MRGPRX3: variants seen among roughly 807,000 people sequenced by gnomAD.
MRGPRX3 encodes mas-related G protein-coupled receptor member X3.
MRGPRX3 carries 14 observed loss-of-function variants against 16.5 expected under a neutral mutation model. The observed-to-expected ratio is 0.85, with a 90% CI of 0.56 to 1.33. The LOEUF is 1.33. Ranked by LOEUF, MRGPRX3 falls within the 40% of genes most tolerant of loss-of-function variation. The pLI is 0.00. For missense variants in MRGPRX3, 449 were observed against 413.0 expected (o/e 1.09, Z -0.76); for synonymous variants, 199 against 180.1 (o/e 1.10, Z -0.84).
At chr11:18,135,465 G>A (rs1372126279) in intron 1 of MRGPRX3, among the ~76,000 whole-genome samples, 1 of 152,146 alleles carries the variant, frequency 6.6e-6, no homozygotes, top group African/African-American at 2.4e-5. Flanking sequence ...CACTCCTGAT[G>A]CTCCTCTATA....
chr11:18,122,574 T>A (rs536244524), intron 1 of MRGPRX3, among the ~76,000 whole-genome samples: 2 of 152,370 alleles, frequency 1.3e-5, no homozygotes, highest in Admixed American at 1.3e-4. Flanking sequence ...ATTTTCTTCA[T>A]CCAGTCTATC....
chr11:18,121,876 G>A (rs1427398767), intron 1 of MRGPRX3, among the ~76,000 whole-genome samples: 1 of 151,958 alleles, frequency 6.6e-6, no homozygotes, highest in Admixed American at 6.6e-5. Flanking sequence ...AGGCCTCAGG[G>A]TCCTCTGCCT....
chr11:18,134,764 G>C (rs543048798), intron 1 of MRGPRX3, among the ~76,000 whole-genome samples: 4 of 152,296 alleles, frequency 2.6e-5, no homozygotes, highest in African/African-American at 9.6e-5. Flanking sequence ...AGGACGAGGG[G>C]AAGGAGAGGC....
chr11:18,137,554 A>G lies in MRGPRX3; in HGVS notation c.352A>G (p.Thr118Ala), dbSNP rs1273425840. 2 of 1,614,038 alleles carry G rather than the reference A, an allele frequency of 1.2e-6. No individual in the cohort carries two copies. Among genetic ancestry groups the G allele is most frequent in the East Asian group, 2.2e-5 (1 of 44,878 alleles). ...CCTAAGCATGCTGAGCGCCATCAGC[A>G]CCGAGCGCTGCCTGTCCATCCTGTG... ...IGLSMLSAIS[T>A]ERCLSILWPI... Residue 118 changes from threonine (T) to alanine (A), a missense_variant, in exon 2 of 2, where the codon ACC becomes GCC. Thr to Ala is a moderately conservative substitution (Grantham distance 58). Transcript: ENST00000621697.
upstream of MRGPRX3, among the ~76,000 whole-genome samples, chr11:18,129,133 A>G (rs1841514095): frequency 1.3e-5 from 2 of 152,212 alleles, no homozygotes; most frequent in Admixed American, 6.5e-5. Context: ...ATCTCAAGGA[A>G]CTAGAGAAGC....
rs766484180 is a variant in MRGPRX3, at chr11:18,137,666, TC to T, written c.466del (p.Leu156TrpfsTer56). 4 of 1,614,042 alleles carry T rather than the reference TC, an allele frequency of 2.5e-6. No individual in the cohort carries two copies. ...TGGGCCCTGTCCCTGCTGCGGAGTA[TC>T]CTGGAGTGGATGTTCTGTGACTTCC... ...LLWALSLLRS[I>X]LEWMFCDFLF... is the part of the protein sequence containing the mutation. On this transcript the variant is annotated frameshift_variant, in exon 2 of 2. Transcript: ENST00000621697. LOFTEE classifies it high-confidence loss of function.
upstream of MRGPRX3, among the ~76,000 whole-genome samples, chr11:18,129,986 A>T (rs961449999): frequency 5.3e-5 from 8 of 152,224 alleles, no homozygotes; most frequent in African/African-American, 1.9e-4. Flanking sequence ...ACATTTCTTT[A>T]TGATTAAAAC....
intron 1 of MRGPRX3, among the ~76,000 whole-genome samples, chr11:18,134,099 T>C (rs1287520055): frequency 6.6e-6 from 1 of 152,246 alleles, no homozygotes; most frequent in African/African-American, 2.4e-5. Context: ...ACTACTTTAA[T>C]GTTTGGCTTG....
intron 1 of MRGPRX3, among the ~76,000 whole-genome samples, chr11:18,133,825 G>T (rs1848983912): frequency 6.6e-6 from 1 of 152,200 alleles, no homozygotes; most frequent in South Asian, 2.1e-4. Flanking sequence ...GCCAGGAGAT[G>T]GAAATCCCAA....
upstream of MRGPRX3, among the ~76,000 whole-genome samples, chr11:18,129,353 A>C (rs1848936812): frequency 6.6e-6 from 1 of 152,236 alleles, no homozygotes; most frequent in African/African-American, 2.4e-5. Context: ...GAAACAAGAG[A>C]TATTACAACC....
At chr11:18,125,482 C>T (rs939079669) in intron 1 of MRGPRX3, among the ~76,000 whole-genome samples, 4 of 152,116 alleles carry the variant, frequency 2.6e-5, no homozygotes, top group African/African-American at 7.2e-5. Flanking sequence ...GTTCAGTTTC[C>T]ATGTAGTTGA....
At chr11:18,134,796 A>G (rs554751107) in intron 1 of MRGPRX3, among the ~76,000 whole-genome samples, 6 of 152,342 alleles carry the variant, frequency 3.9e-5, no homozygotes, top group South Asian at 2.1e-4. Context: ...TATTAATCCC[A>G]TGAGCCAGGA....
chr11:18,123,811 T>A (rs993754587), intron 1 of MRGPRX3, among the ~76,000 whole-genome samples: 11 of 152,254 alleles, frequency 7.2e-5, no homozygotes, highest in African/African-American at 2.7e-4. Flanking sequence ...TGCTTCTTCC[T>A]ACCCATGAGC....
At chr11:18,132,451 G>A (rs2134083740), upstream of MRGPRX3, 1 of 152,292 alleles carries the variant, frequency 6.6e-6, no homozygotes, top group East Asian at 1.9e-4. Flanking sequence ...GATAGGAGAG[G>A]CTTAAATGTA....
rs1167288480 is a variant in MRGPRX3, at chr11:18,137,188, C to G, written c.-15C>G. The G allele has an allele frequency of 6.4e-7, 1 of 1,568,232 alleles. No individual in the cohort carries two copies. Among genetic ancestry groups the G allele is most frequent in the African/African-American group, 1.4e-5 (1 of 73,810 alleles). ...GGTTTCTGTTTCCAGGGTCATCAGA[C>G]TGGGGTTTCTGAGCATGGATTCAAC... is the stretch of plus-strand genomic sequence containing the variant. On this transcript the variant is annotated 5_prime_UTR_variant, in exon 2 of 2. Transcript: ENST00000621697.
At chr11:18,127,665 C>T (rs1590304003), upstream of MRGPRX3, among the ~76,000 whole-genome samples, 1 of 152,324 alleles carries the variant, frequency 6.6e-6, no homozygotes, top group South Asian at 2.1e-4. Context: ...TCTAGTTAGC[C>T]ATTCATCTAA....
upstream of MRGPRX3, among the ~76,000 whole-genome samples, chr11:18,128,441 C>G (rs374979007): frequency 6.6e-6 from 1 of 152,216 alleles, no homozygotes; most frequent in African/African-American, 2.4e-5. Flanking sequence ...TGGAGCTTCC[C>G]AGCTGCTTTG....
chr11:18,137,164 G>T lies in MRGPRX3; in HGVS notation c.-25-14G>T. 6.5e-7 allele frequency: 1 copy of T among 1,549,208 alleles called. No homozygotes were observed. The highest frequency in any genetic ancestry group is 8.7e-7 in the Non-Finnish European group (1 of 1,146,598). ...ATCAAACAGCTGGTGATCACATCTG[G>T]TTTCTGTTTCCAGGGTCATCAGACT... On this transcript the variant is annotated splice_polypyrimidine_tract_variant and intron_variant, in intron 1 of 1. Coordinates refer to ENST00000621697, the MANE Select transcript of MRGPRX3 (RefSeq NM_001370464.1).
chr11:18,132,198 T>C (rs1848967119), upstream of MRGPRX3, among the ~76,000 whole-genome samples: 1 of 152,250 alleles, frequency 6.6e-6, no homozygotes, highest in Non-Finnish European at 1.5e-5. Context: ...TCACCTTGCA[T>C]ACACTTCTCT....
Sources: gnomAD v4.1 joint callset for allele counts (sites outside exome capture counted in the v4.1 genomes callset) on GRCh38, gnomAD v4.1.1 for gene constraint, MANE v1.5 for transcripts, NCBI Gene and HGNC (gene_info 2026-07-23, HGNC 2026-07-21) for gene names.